Variants in PSMD10 observed in about 807,000 individuals in gnomAD.
PSMD10 encodes the protein proteasome 26S subunit, non-ATPase 10, also known as 26S proteasome non-ATPase regulatory subunit 10.
Under a neutral mutation model 13.2 loss-of-function variants are expected in PSMD10, and 2 were observed. The observed-to-expected ratio is 0.15, with a 90% CI of 0.06 to 0.48. PSMD10 has a LOEUF of 0.48. Ranked by LOEUF, PSMD10 falls within the 20% of genes least tolerant of loss-of-function variation. The pLI is 0.97. For synonymous variants in PSMD10, 66 were observed against 64.4 expected (o/e 1.03, Z -0.12); for missense variants, 120 against 167.4 (o/e 0.72, Z 1.56).
chrX:108,089,576 A>G (rs1239885267), intron 1 of PSMD10, among the ~76,000 whole-genome samples: 1 of 112,178 alleles, frequency 8.9e-6, no homozygotes, highest in East Asian at 2.8e-4. Context: ...GTTCACGCCT[A>G]TAATCCCAGC....
chrX:108,084,969 G>A lies in PSMD10; in HGVS notation c.*5C>T. The A allele has an allele frequency of 8.4e-7, 1 of 1,190,650 alleles. No individual in the cohort carries two copies. Among genetic ancestry groups the A allele is most frequent in the Non-Finnish European group, 1.1e-6 (1 of 886,542 alleles). On this transcript the variant is annotated 3_prime_UTR_variant, in exon 5 of 5. Transcript: ENST00000217958. ...ACATACAAAGTAAGAATAAATCCAA[G>A]CTGTTTAACCTTCCACCATTCTCTT...
At chrX:108,087,137 AG>A (rs1428188574) in intron 4 of PSMD10, 1 of 111,769 alleles carries the variant, frequency 8.9e-6, no homozygotes, top group African/African-American at 3.3e-5. Context: ...TGTGTTGCCC[AG>A]GCTGGTCTTG....
In PSMD10 at chrX:108,087,800, T is replaced by A. The variant is rs1324402086; in HGVS notation, c.413A>T (p.Tyr138Phe). Residue 138 changes from tyrosine to phenylalanine, a missense_variant, in exon 4 of 5, where the codon TAT becomes TTT. Physicochemically the swap from Tyr to Phe is conservative, Grantham distance 22. Coordinates refer to ENST00000217958, the MANE Select transcript of PSMD10 (RefSeq NM_002814.4). ...TGCCCGGTGCATTGCTGTAGCCTCATAATGGTCCTTAGCATCTGGATTAGC... is the reference window on the plus strand; with the variant it reads ...TGCCCGGTGCATTGCTGTAGCCTCAAAATGGTCCTTAGCATCTGGATTAGC... ...GGANPDAKDH[Y>F]EATAMHRAAA... The A allele has an allele frequency of 4.1e-6, 5 of 1,210,130 alleles. No individual in the cohort carries two copies. In the East Asian group the frequency reaches 8.9e-5, roughly 21 times the overall value.
intron 4 of PSMD10, among the ~76,000 whole-genome samples, chrX:108,086,169 A>G (rs187158271): frequency 1.2e-3 from 131 of 112,498 alleles, no homozygotes; most frequent in African/African-American, 4.0e-3. Flanking sequence ...TTCTGGTTCA[A>G]GAAAAAGTCA....
chrX:108,088,419 G>GT (rs1569295872), intron 2 of PSMD10: 2 of 302,025 alleles, frequency 6.6e-6, no homozygotes, highest in African/African-American at 2.7e-5. Context: ...GTTTATTTTT[G>GT]TTTTTTTATT....
chrX:108,086,164 G>A (rs1453781607), intron 4 of PSMD10, among the ~76,000 whole-genome samples: 1 of 112,241 alleles, frequency 8.9e-6, no homozygotes, highest in Non-Finnish European at 1.9e-5. Context: ...AGAACTTCTG[G>A]TTCAAGAAAA....
At chrX:108,091,262 G>A (rs1011960164) in intron 1 of PSMD10, 145 bp downstream of exon 1, 28 of 516,785 alleles carry the variant, frequency 5.4e-5, no homozygotes, top group Non-Finnish European at 8.6e-5. Context: ...CGCGAGTCCC[G>A]AGGTGACCCA....
Position 108,087,694 on chromosome X carries a change from G to A in PSMD10, c.519C>T (p.Asn173=). 8.3e-7 allele frequency: 1 copy of A among 1,208,245 alleles called. No homozygotes were observed. The highest frequency in any genetic ancestry group is 1.7e-5 in the African/African-American group (1 of 57,716). ...TGCTACTTGTCACTTACAGAGGAGT[G>A]TTACCCTCAGTGTCTTGGATGTTTG... is the stretch of plus-strand genomic sequence containing the variant. ...ASTNIQDTEG[N]TPLHLACDEE... Residue 173 remains asparagine (N), a synonymous_variant, in exon 4 of 5, where the codon AAC becomes AAT. Transcript: ENST00000217958.
In PSMD10 at chrX:108,088,782, T is replaced by C. The variant is rs1385869685; in HGVS notation, c.183A>G (p.Gln61=). Residue 61 remains glutamine, a synonymous_variant, in exon 2 of 5, where the codon CAA becomes CAG. Transcript: ENST00000217958. ...GHTEIVEFLL[Q]LGVPVNDKDD... The stretch of plus-strand genomic sequence containing the variant: ...CTTTATCATTCACTGGCACTCCAAG[T>C]TGCAACAAAAATTCAACAATTTCTG... 8 of 1,204,414 alleles carry C rather than the reference T, an allele frequency of 6.6e-6. No homozygotes were observed. The East Asian group carries it at 2.1e-4, about 31-fold the overall frequency.
chrX:108,086,432 A>G (rs746359837), intron 4 of PSMD10, among the ~76,000 whole-genome samples: 1 of 112,568 alleles, frequency 8.9e-6, no homozygotes, highest in South Asian at 3.6e-4. Context: ...TTGACTACGT[A>G]GAAATTTTAA....
chrX:108,091,365 C>T (rs1231242482), intron 1 of PSMD10, 42 bp downstream of exon 1: 1 of 1,152,790 alleles, frequency 8.7e-7, no homozygotes, highest in South Asian at 1.8e-5. Flanking sequence ...CGTAGGGCTT[C>T]GCCGACGTCG....
In PSMD10 at chrX:108,088,060, G is replaced by A. The variant is rs1362416960; in HGVS notation, c.253C>T (p.Arg85Trp). Residue 85 changes from arginine to tryptophan, a missense_variant, in exon 3 of 5, where the codon CGG (arginine) becomes TGG (tryptophan). Coordinates refer to ENST00000217958, the MANE Select transcript of PSMD10 (RefSeq NM_002814.4). ...SPLHIAASAGRDEIVKALLGK... is the reference protein window; with the variant it reads ...SPLHIAASAGWDEIVKALLGK... ...AGAAGGGCTTTTACAATCTCATCCC[G>A]GCCAGCAGAAGCCGCAATATGAAGA... is the stretch of plus-strand genomic sequence containing the variant. 2 of 1,206,833 alleles carry A rather than the reference G, an allele frequency of 1.7e-6. No individual in the cohort carries two copies.
chrX:108,087,898 T>C (rs371543351), intron 3 of PSMD10, 46 bp from the exon 4 acceptor site: 320 of 1,210,335 alleles, frequency 2.6e-4, no homozygotes, highest in Non-Finnish European at 3.3e-4. Context: ...GAAATCTATC[T>C]GTGTTTGTAT....
At chrX:108,087,513 C>A in intron 4 of PSMD10, 173 bp downstream of exon 4, 1 of 596,394 alleles carries the variant, frequency 1.7e-6, no homozygotes, top group Non-Finnish European at 2.5e-6. Flanking sequence ...GTAGTTATTT[C>A]TGAGTGGCAA....
rs759554506 is a variant in PSMD10 at position 108,087,856 on chromosome X, G to C, written c.361-4C>G. On this transcript the variant is annotated splice_polypyrimidine_tract_variant and splice_region_variant and intron_variant, in intron 3 of 4. Coordinates refer to ENST00000217958, the MANE Select transcript of PSMD10 (RefSeq NM_002814.4). The stretch of plus-strand genomic sequence containing the variant: ...CTTCCAGTAACATGACAGCGATCTG[G>C]AAAGATGGAGAAGAAAGAAGAAAAC... 6.6e-6 allele frequency: 8 copies of C among 1,211,430 alleles called. No individual in the cohort carries two copies. Among genetic ancestry groups the C allele is most frequent in the Non-Finnish European group, 8.9e-6 (8 of 895,200 alleles).
rs1356393824 is a variant in PSMD10, at chrX:108,084,896, C to T, written c.*78G>A. On this transcript the variant is annotated 3_prime_UTR_variant, in exon 5 of 5. Transcript: ENST00000217958. ...AAACTTCATCATTCATAGATGATGTCTTGTGCACAAATACATTAGTTTGTA... is the reference window on the plus strand; with the variant it reads ...AAACTTCATCATTCATAGATGATGTTTTGTGCACAAATACATTAGTTTGTA... The T allele has an allele frequency of 1.9e-6, 2 of 1,028,951 alleles. No homozygotes were observed. The highest frequency in any genetic ancestry group is 3.9e-5 in the African/African-American group (2 of 51,603). 84.8% of individuals were successfully genotyped at this position (1,028,951 alleles called of 1,213,427 possible).
intron 1 of PSMD10, 52 bp from the exon 2 acceptor site, chrX:108,088,902 A>G (rs768699439): frequency 3.1e-6 from 3 of 956,479 alleles, no homozygotes; most frequent in Non-Finnish European, 4.3e-6. Context: ...CAAAAAAGCA[A>G]GAAAAAAAAT....
rs1332046355 is a variant in PSMD10, at chrX:108,085,139, G to A, written c.528-12C>T. 8.5e-7 allele frequency: 1 copy of A among 1,177,317 alleles called. No individual in the cohort carries two copies. Among genetic ancestry groups the A allele is most frequent in the South Asian group, 2.0e-5 (1 of 49,856 alleles). On this transcript the variant is annotated splice_polypyrimidine_tract_variant and intron_variant, in intron 4 of 4. Transcript: ENST00000217958. ...CACAGGCTAAGTGTCTGAAATCAGG[G>A]ACCACCAGAGACCAATTAATCACTA...
chrX:108,091,177 C>T (rs1447886766), intron 1 of PSMD10, among the ~76,000 whole-genome samples: 1 of 113,332 alleles, frequency 8.8e-6, no homozygotes, highest in Non-Finnish European at 1.9e-5. Flanking sequence ...TAGAACTATC[C>T]AAAAATCAGG....
Sources: allele counts gnomAD v4.1 joint callset (sites outside exome capture counted in the v4.1 genomes callset), GRCh38; gene constraint gnomAD v4.1.1; transcripts MANE v1.5; gene names NCBI Gene and HGNC (gene_info 2026-07-23, HGNC 2026-07-21).